The following SIX1 variants were observed in gnomAD, a reference collection of about 807,000 sequenced individuals.
SIX1 encodes SIX homeobox 1, also known as homeobox protein SIX1.
Under a neutral mutation model 26.5 loss-of-function variants are expected in SIX1, and 11 were observed. The ratio of observed to expected loss-of-function variants is 0.41; its 90% confidence interval spans 0.26 to 0.69. The LOEUF is 0.69. Ranked by LOEUF, SIX1 falls within the 30% of genes least tolerant of loss-of-function variation. The pLI is 0.28. For missense variants in SIX1, 333 were observed against 365.9 expected, an observed-to-expected ratio of 0.91 and a Z score of 0.73; for synonymous variants, 177 against 166.2, an observed-to-expected ratio of 1.06 and a Z score of -0.50.
Position 60,648,140 on chromosome 14 carries a change from A to G in SIX1, c.560+490T>C, listed in dbSNP as rs1894982682. Among the ~76,000 whole-genome samples, 1 of 152,226 alleles carries G rather than the reference A, an allele frequency of 6.6e-6. No homozygotes were observed. The highest frequency in any genetic ancestry group is 2.1e-4 in the South Asian group (1 of 4,834). The stretch of plus-strand genomic sequence containing the variant: ...CAGGCTACCTCTAAACCAAAAGACT[A>G]TCAAGAGAGAGCTGTGGAGAACCAG... On this transcript the variant is annotated intron_variant, in intron 1 of 1. Transcript: ENST00000645694. The surrounding 1 kb of genome is among the most constrained non-coding windows in gnomAD (Gnocchi z 7.9).
rs545952871 is a variant in SIX1, at chr14:60,647,954, G to C, written c.560+676C>G. On this transcript the variant is annotated intron_variant, in intron 1 of 1. Coordinates refer to ENST00000645694, the MANE Select transcript of SIX1 (RefSeq NM_005982.4). The surrounding 1 kb of genome is among the most constrained non-coding windows in gnomAD (Gnocchi z 5.1). ...ATGCGGCGCGGTCAGCCAGACCGAC[G>C]GGCTGCAGTGCCGGGCCACGCGCGA... Among the ~76,000 whole-genome samples the C allele has an allele frequency of 1.3e-5, 2 of 152,352 alleles. No homozygotes were observed. The highest frequency in any genetic ancestry group is 2.1e-4 in the South Asian group (1 of 4,828).
In SIX1 at chr14:60,649,462, A is replaced by G. The variant is rs1895022486; in HGVS notation, c.-273T>C. ...GACCTCCCGCCCGGTGGATGCTGCTAGTTGCCGGGGAACTTGGTTTCTGTT... is the reference window on the plus strand; with the variant it reads ...GACCTCCCGCCCGGTGGATGCTGCTGGTTGCCGGGGAACTTGGTTTCTGTT... On this transcript the variant is annotated 5_prime_UTR_variant, in exon 1 of 2. Coordinates refer to ENST00000645694, the MANE Select transcript of SIX1 (RefSeq NM_005982.4). This position sits in a 1 kb window ranked among gnomAD's most constrained non-coding sequence, Gnocchi z 5.1. 1 of 405,538 alleles carries G rather than the reference A, an allele frequency of 2.5e-6. No individual in the cohort carries two copies. The highest frequency in any genetic ancestry group is 4.2e-5 in the Admixed American group (1 of 23,678). 25.1% of individuals were successfully genotyped at this position (405,538 alleles called of 1,614,324 possible).
In SIX1 at chr14:60,644,810, A is replaced by C. The variant is rs1170097563; in HGVS notation, c.*1473T>G. 6.6e-6 allele frequency: 1 copy of C among 152,268 alleles called. No individual in the cohort carries two copies. The highest frequency in any genetic ancestry group is 1.5e-5 in the Non-Finnish European group (1 of 68,038). The allele number at this position is 152,268 out of a possible 1,614,324, so 9.4% of individuals were successfully genotyped here. The stretch of plus-strand genomic sequence containing the variant: ...CAGGCAAAAATAATATGGAGCCTAC[A>C]TGATTACTGGGATTTTTCTAGACAC... On this transcript the variant is annotated 3_prime_UTR_variant, in exon 2 of 2. Coordinates refer to ENST00000645694, the MANE Select transcript of SIX1 (RefSeq NM_005982.4).
rs1895019247 is a variant in SIX1, at chr14:60,649,348, G to A, written c.-159C>T. ...CCGGAGTCGGAACTTGGCGGTGGGCGGCCAAGGAAGAGAAGGCGGAGGAGT... is the reference window on the plus strand; with the variant it reads ...CCGGAGTCGGAACTTGGCGGTGGGCAGCCAAGGAAGAGAAGGCGGAGGAGT... On this transcript the variant is annotated 5_prime_UTR_variant, in exon 1 of 2. Transcript: ENST00000645694. The surrounding 1 kb of genome is among the most constrained non-coding windows in gnomAD (Gnocchi z 5.1). The A allele has an allele frequency of 1.3e-5, 8 of 638,962 alleles. No individual in the cohort carries two copies. The highest frequency in any genetic ancestry group is 2.8e-5 in the East Asian group (1 of 36,128). 39.6% of individuals were successfully genotyped at this position (638,962 alleles called of 1,614,324 possible).
In SIX1 at chr14:60,644,567, TAAGA is replaced by T. The variant is rs1400269283; in HGVS notation, c.*1712_*1715del. On this transcript the variant is annotated 3_prime_UTR_variant, in exon 2 of 2. Transcript: ENST00000645694. ...AGACCAGAACAGAAATAGGAAAGAG[TAAGA>T]AAGAAATAATATATTAATGGTGACA... 6.6e-6 allele frequency: 1 copy of T among 151,636 alleles called. No individual in the cohort carries two copies. The highest frequency in any genetic ancestry group is 1.5e-5 in the Non-Finnish European group (1 of 67,912). The allele number at this position is 151,636 out of a possible 1,614,324, so 9.4% of individuals were successfully genotyped here.
In SIX1 at chr14:60,644,862, C is replaced by T. The variant is rs1436459721; in HGVS notation, c.*1421G>A. 1 of 152,234 alleles carries T rather than the reference C, an allele frequency of 6.6e-6. No individual in the cohort carries two copies. Among genetic ancestry groups the T allele is most frequent in the Non-Finnish European group, 1.5e-5 (1 of 68,044 alleles). 9.4% of individuals were successfully genotyped at this position (152,234 alleles called of 1,614,324 possible). A position where few individuals can be genotyped will look rare whatever the true frequency, so the allele number is the denominator to read the frequency against. ...ATCCGGCAGCACTGCAAAAGAGCTC[C>T]TGTCCTGCTGGTCTGCTTTCTATTT... On this transcript the variant is annotated 3_prime_UTR_variant, in exon 2 of 2. Transcript: ENST00000645694.
chr14:60,647,913 C>A lies in SIX1; in HGVS notation c.560+717G>T, dbSNP rs1455033757. ...CGAGAGAGGGCTGCGACTGGAGACC[C>A]TTTCCTCGTCTGGGCATGCGGCGCG... On this transcript the variant is annotated intron_variant, in intron 1 of 1. Transcript: ENST00000645694. The surrounding 1 kb of genome is among the most constrained non-coding windows in gnomAD (Gnocchi z 5.1). Among the ~76,000 whole-genome samples the A allele has an allele frequency of 5.9e-5, 9 of 152,254 alleles. No individual in the cohort carries two copies. Among genetic ancestry groups the A allele is most frequent in the Admixed American group, 5.9e-4 (9 of 15,286 alleles).
chr14:60,649,014 T>C lies in SIX1; in HGVS notation c.176A>G (p.His59Arg). Reference sequence around the variant, plus strand: ...GTAGAGCTCACGGAAGTTGCCGCGGTGGAAGGCGACCACCGCCTTGGCCTT... The same window carrying C: ...GTAGAGCTCACGGAAGTTGCCGCGGCGGAAGGCGACCACCGCCTTGGCCTT... ...VLKAKAVVAFHRGNFRELYKI... is the reference protein window; with the variant it reads ...VLKAKAVVAFRRGNFRELYKI... Residue 59 changes from histidine to arginine, a missense_variant, in exon 1 of 2, where the codon CAC (histidine) becomes CGC (arginine). By Grantham distance (29) the His-to-Arg change is conservative. This residue lies in a region of SIX1 where 133 missense variants were observed against 131.8 expected (regional missense o/e 1.01). Coordinates refer to ENST00000645694, the MANE Select transcript of SIX1 (RefSeq NM_005982.4). This position sits in a 1 kb window ranked among gnomAD's most constrained non-coding sequence, Gnocchi z 5.1. 1 of 1,613,750 alleles carries C rather than the reference T, an allele frequency of 6.2e-7. No homozygotes were observed.
Position 60,648,169 on chromosome 14 carries a change from G to A in SIX1, c.560+461C>T, listed in dbSNP as rs544301554. ...AGAGAGAGCTGTGGAGAACCAGGCGGGAGTGGGGGCAGAGCCAATGTCTCA... is the reference window on the plus strand; with the variant it reads ...AGAGAGAGCTGTGGAGAACCAGGCGAGAGTGGGGGCAGAGCCAATGTCTCA... On this transcript the variant is annotated intron_variant, in intron 1 of 1. Transcript: ENST00000645694. This position sits in a 1 kb window ranked among gnomAD's most constrained non-coding sequence, Gnocchi z 7.9. Among the ~76,000 whole-genome samples, 176 of 152,310 alleles carry A rather than the reference G, an allele frequency of 1.2e-3. No individual in the cohort carries two copies. The highest frequency in any genetic ancestry group is 4.1e-3 in the African/African-American group (172 of 41,564).
rs919169546 is a variant in SIX1 at position 60,647,676 on chromosome 14, C to T, written c.560+954G>A. 2.6e-5 allele frequency among the ~76,000 whole-genome samples: 4 copies of T among 152,108 alleles called. No homozygotes were observed. Among genetic ancestry groups the T allele is most frequent in the African/African-American group, 9.7e-5 (4 of 41,424 alleles). On this transcript the variant is annotated intron_variant, in intron 1 of 1. Coordinates refer to ENST00000645694, the MANE Select transcript of SIX1 (RefSeq NM_005982.4). This position sits in a 1 kb window ranked among gnomAD's most constrained non-coding sequence, Gnocchi z 5.1. ...AGTCTTGGAAGCGAACAAAGGAAAA[C>T]CTAACCGGCCCCTGCGCTCAGGTTT... is the stretch of plus-strand genomic sequence containing the variant.
chr14:60,646,339 G>A lies in SIX1; in HGVS notation c.799C>T (p.Leu267Phe), dbSNP rs765929697. Residue 267 changes from leucine to phenylalanine, a missense_variant, in exon 2 of 2, where the codon CTC becomes TTC. This residue lies in a region of SIX1 where 199 missense variants were observed against 215.2 expected (regional missense o/e 0.92). Coordinates refer to ENST00000645694, the MANE Select transcript of SIX1 (RefSeq NM_005982.4). ...AGGGGGCCGAGCAGAGAGTCTTGGA[G>A]CTGATGCTGGTGGGTCTGCAGGCCG... ...SHGLQTHQHQ[L>F]QDSLLGPLTS... 1 of 1,614,074 alleles carries A rather than the reference G, an allele frequency of 6.2e-7. No homozygotes were observed. The highest frequency in any genetic ancestry group is 8.5e-7 in the Non-Finnish European group (1 of 1,180,020).
chr14:60,647,057 T>A lies in SIX1; in HGVS notation c.561-480A>T, dbSNP rs1243685010. On this transcript the variant is annotated intron_variant, in intron 1 of 1. Transcript: ENST00000645694. The surrounding 1 kb of genome is among the most constrained non-coding windows in gnomAD (Gnocchi z 5.1). ...GGGTGAATCAAGTCCATTGCCTTGT[T>A]CGCATATGAGGAGACAATTAAACAT... 6.6e-6 allele frequency among the ~76,000 whole-genome samples: 1 copy of A among 152,204 alleles called. No homozygotes were observed. The highest frequency in any genetic ancestry group is 2.4e-5 in the African/African-American group (1 of 41,450).
At position 60,647,800 on chromosome 14, in the gene SIX1, G is replaced by T. The variant is rs969036416; in HGVS notation, c.560+830C>A. 2.6e-5 allele frequency among the ~76,000 whole-genome samples: 4 copies of T among 152,234 alleles called. No homozygotes were observed. Among genetic ancestry groups the T allele is most frequent in the African/African-American group, 9.6e-5 (4 of 41,470 alleles). ...GTCCGAAACGCTATAGAGAACAGAA[G>T]GAGCCTGCCCAGGTGGCCGAAGGTG... On this transcript the variant is annotated intron_variant, in intron 1 of 1. Coordinates refer to ENST00000645694, the MANE Select transcript of SIX1 (RefSeq NM_005982.4). This position sits in a 1 kb window ranked among gnomAD's most constrained non-coding sequence, Gnocchi z 5.1.
rs1894991466 is a variant in SIX1, at chr14:60,648,439, CA to C, written c.560+190del. 6.6e-6 allele frequency among the ~76,000 whole-genome samples: 1 copy of C among 152,256 alleles called. No individual in the cohort carries two copies. The highest frequency in any genetic ancestry group is 2.4e-5 in the African/African-American group (1 of 41,466). Reference sequence around the variant, plus strand: ...CGGGTGCTCAAAGCAAATGAGGCCCCATCCTTAGCAAGGAACCTCAGAGTTC... The same window carrying C: ...CGGGTGCTCAAAGCAAATGAGGCCCCTCCTTAGCAAGGAACCTCAGAGTTC... On this transcript the variant is annotated intron_variant, in intron 1 of 1. Coordinates refer to ENST00000645694, the MANE Select transcript of SIX1 (RefSeq NM_005982.4). This position sits in a 1 kb window ranked among gnomAD's most constrained non-coding sequence, Gnocchi z 7.9.
Position 60,648,681 on chromosome 14 carries a change from T to A in SIX1, c.509A>T (p.Asn170Ile). The change falls in exon 1 of 2, where the codon AAC becomes ATC. Residue 170 changes from asparagine (N) to isoleucine (I), a missense_variant. By Grantham distance (149) the Asn-to-Ile change is moderately radical (BLOSUM62 -3). Coordinates refer to ENST00000645694, the MANE Select transcript of SIX1 (RefSeq NM_005982.4). This position sits in a 1 kb window ranked among gnomAD's most constrained non-coding sequence, Gnocchi z 7.9. Reference sequence around the variant, plus strand: ...TCTTTGCCTCCGGTTCTTAAACCAGTTGCTGACCTGGGTGGTGGTGAGGCC... The same window carrying A: ...TCTTTGCCTCCGGTTCTTAAACCAGATGCTGACCTGGGTGGTGGTGAGGCC... Reference protein sequence around the residue: ...ATGLTTTQVSNWFKNRRQRDR... With the variant: ...ATGLTTTQVSIWFKNRRQRDR... 2 of 1,614,136 alleles carry A rather than the reference T, an allele frequency of 1.2e-6. No individual in the cohort carries two copies. The highest frequency in any genetic ancestry group is 1.7e-6 in the Non-Finnish European group (2 of 1,180,004).
chr14:60,648,938 C>G lies in SIX1; in HGVS notation c.252G>C (p.Gln84His), dbSNP rs973266865. Reference sequence around the variant, plus strand: ...CGTAATGCGCCTTCAGCCACAGTTGCTGCAGTTTGGGGTGGTTGTGAGGCG... The same window carrying G: ...CGTAATGCGCCTTCAGCCACAGTTGGTGCAGTTTGGGGTGGTTGTGAGGCG... ...QFSPHNHPKL[Q>H]QLWLKAHYVE... The change falls in exon 1 of 2, where the codon CAG (glutamine) becomes CAC (histidine). Residue 84 changes from glutamine to histidine, a missense_variant. By Grantham distance (24) the Gln-to-His change is conservative. Coordinates refer to ENST00000645694, the MANE Select transcript of SIX1 (RefSeq NM_005982.4). This position sits in a 1 kb window ranked among gnomAD's most constrained non-coding sequence, Gnocchi z 7.9. 2.5e-6 allele frequency: 4 copies of G among 1,614,118 alleles called. No homozygotes were observed. The highest frequency in any genetic ancestry group is 1.3e-5 in the African/African-American group (1 of 74,956).
At position 60,647,484 on chromosome 14, in the gene SIX1, C is replaced by T. The variant is rs1894969288; in HGVS notation, c.561-907G>A. ...CAGGATTTCGCTTCCCTCGCCGCTTCCGCCTTCCGAGTGCTCGTCAGTCCT... is the reference window on the plus strand; with the variant it reads ...CAGGATTTCGCTTCCCTCGCCGCTTTCGCCTTCCGAGTGCTCGTCAGTCCT... On this transcript the variant is annotated intron_variant, in intron 1 of 1. Coordinates refer to ENST00000645694, the MANE Select transcript of SIX1 (RefSeq NM_005982.4). This position sits in a 1 kb window ranked among gnomAD's most constrained non-coding sequence, Gnocchi z 5.1. Among the ~76,000 whole-genome samples, 1 of 152,196 alleles carries T rather than the reference C, an allele frequency of 6.6e-6. No homozygotes were observed. The highest frequency in any genetic ancestry group is 2.4e-5 in the African/African-American group (1 of 41,446).
rs535243538 is a variant in SIX1, at chr14:60,649,473, A to T, written c.-284T>A. On this transcript the variant is annotated 5_prime_UTR_variant, in exon 1 of 2. Coordinates refer to ENST00000645694, the MANE Select transcript of SIX1 (RefSeq NM_005982.4). The surrounding 1 kb of genome is among the most constrained non-coding windows in gnomAD (Gnocchi z 5.1). ...CGGTGGATGCTGCTAGTTGCCGGGGAACTTGGTTTCTGTTCTCCCCGCAGC... is the reference window on the plus strand; with the variant it reads ...CGGTGGATGCTGCTAGTTGCCGGGGTACTTGGTTTCTGTTCTCCCCGCAGC... The T allele has an allele frequency of 7.4e-4, 285 of 386,916 alleles. 1 individual carries two copies. The highest frequency in any genetic ancestry group is 2.7e-3 in the Middle Eastern group (4 of 1,464). The allele number at this position is 386,916 out of a possible 1,614,324, so 24.0% of individuals were successfully genotyped here. A position where few individuals can be genotyped will look rare whatever the true frequency, so the allele number is the denominator to read the frequency against.
chr14:60,648,621 G>A lies in SIX1; in HGVS notation c.560+9C>T, dbSNP rs760000650. 8 of 1,607,480 alleles carry A rather than the reference G, an allele frequency of 5.0e-6. No homozygotes were observed. Among genetic ancestry groups the A allele is most frequent in the Non-Finnish European group, 5.9e-6 (7 of 1,176,780 alleles). The stretch of plus-strand genomic sequence containing the variant: ...GGGTCGCCCGAGTCGCGGGAAGCAC[G>A]CCGCGTACCTTTCCTTGGCCTCCGC... On this transcript the variant is annotated intron_variant, in intron 1 of 1. Transcript: ENST00000645694. This position sits in a 1 kb window ranked among gnomAD's most constrained non-coding sequence, Gnocchi z 7.9.
Sources: allele counts gnomAD v4.1 joint callset (sites outside exome capture counted in the v4.1 genomes callset), GRCh38; gene constraint gnomAD v4.1.1; regional missense constraint gnomAD v4.1.1; non-coding constraint Gnocchi (gnomAD v3.1); transcripts MANE v1.5; gene names NCBI Gene and HGNC (gene_info 2026-07-23, HGNC 2026-07-21).